VPS13B: variants seen among roughly 807,000 people sequenced by gnomAD.
The protein encoded by VPS13B is vacuolar protein sorting 13 homolog B.
In VPS13B, 285 loss-of-function variants were observed where a neutral mutation model predicts 426.4. The ratio of observed to expected loss-of-function variants is 0.67; its 90% confidence interval spans 0.61 to 0.74. The LOEUF (loss-of-function observed/expected upper bound fraction) is 0.74, where lower values mean the gene tolerates loss of function less well. VPS13B is among the 30% of genes least tolerant of loss of function. The probability of loss-of-function intolerance (pLI) is 0.00; values close to 1 mark genes in which losing one functional copy is unlikely to be tolerated. For missense variants in VPS13B, 4,537 were observed against 4,782.6 expected, an observed-to-expected ratio of 0.95 and a Z score of 1.51; for synonymous variants, 1,676 against 1,676.4, an observed-to-expected ratio of 1.00 and a Z score of 0.01.
chr8:99,644,292 G>C (rs1007493323), intron 34 of VPS13B, among the ~76,000 whole-genome samples: 3 of 152,086 alleles, frequency 2.0e-5, no homozygotes, highest in Non-Finnish European at 4.4e-5. Context: ...TGATGGACTT[G>C]TTTCCACTTT....
At chr8:99,507,735 T>G in intron 28 of VPS13B, 1 of 1,613,914 alleles carries the variant, frequency 6.2e-7, no homozygotes. Flanking sequence ...GCTTTTTGTC[T>G]TTTCACCTTC....
At chr8:99,027,985 C>T (rs1017294616) in intron 2 of VPS13B, among the ~76,000 whole-genome samples, 3 of 152,162 alleles carry the variant, frequency 2.0e-5, no homozygotes, top group African/African-American at 4.8e-5. Flanking sequence ...TCCATTTAAC[C>T]CTGAGTGGAC....
chr8:99,482,256 TTTC>T (rs949306741), intron 25 of VPS13B, among the ~76,000 whole-genome samples: 4 of 152,116 alleles, frequency 2.6e-5, no homozygotes, highest in Non-Finnish European at 4.4e-5. Context: ...TATAAAAGCT[TTTC>T]TTTTTATTTT....
chr8:99,028,751 A>T (rs1434147354), intron 2 of VPS13B, among the ~76,000 whole-genome samples: 1 of 124,878 alleles, frequency 8.0e-6, no homozygotes, highest in Non-Finnish European at 1.7e-5. Flanking sequence ...GGACGGGGCA[A>T]CTGGCCGGGC....
intron 5 of VPS13B, 39 bp downstream of exon 5, chr8:99,103,159 T>C (rs1457545186): frequency 1.2e-6 from 2 of 1,608,126 alleles, no homozygotes; most frequent in Non-Finnish European, 1.7e-6. Flanking sequence ...TTTTCCATAA[T>C]TGAAACAATT....
chr8:99,084,880 G>C (rs979370564), intron 3 of VPS13B, among the ~76,000 whole-genome samples: 7 of 152,168 alleles, frequency 4.6e-5, no homozygotes, highest in Non-Finnish European at 8.8e-5. Context: ...CCGACTATGT[G>C]ATCAATTTTG....
chr8:99,707,225 C>G lies in VPS13B; in HGVS notation c.6454+7293C>G, dbSNP rs1348379930. Among the ~76,000 whole-genome samples the G allele has an allele frequency of 7.9e-5, 12 of 152,272 alleles. No individual in the cohort carries two copies. The East Asian group carries it at 2.3e-3, about 29-fold the overall frequency. ...GGCAGACAGAATCTGCACCCCAGCCCTGCTACTTACTGACCAGCTGGTTGT... is the reference window on the plus strand; with the variant it reads ...GGCAGACAGAATCTGCACCCCAGCCGTGCTACTTACTGACCAGCTGGTTGT... On this transcript the variant is annotated intron_variant, in intron 36 of 61. Transcript: ENST00000357162.
chr8:99,470,457 A>G (rs1819343663), intron 24 of VPS13B, among the ~76,000 whole-genome samples: 1 of 152,216 alleles, frequency 6.6e-6, no homozygotes, highest in Non-Finnish European at 1.5e-5. Context: ...AAGTATAAAA[A>G]GAGTCAAATG....
chr8:99,600,789 A>G (rs1827253981), intron 33 of VPS13B, among the ~76,000 whole-genome samples: 2 of 152,130 alleles, frequency 1.3e-5, no homozygotes, highest in South Asian at 2.1e-4. Context: ...ACAAAAGGCA[A>G]TGACTCTTCT....
intron 25 of VPS13B, among the ~76,000 whole-genome samples, chr8:99,488,503 T>C (rs1820423760): frequency 6.6e-6 from 1 of 152,170 alleles, no homozygotes; most frequent in African/African-American, 2.4e-5. Flanking sequence ...ATTGGCTTCC[T>C]CTGACTTTGG....
chr8:99,371,681 T>C (rs144126953), intron 19 of VPS13B, among the ~76,000 whole-genome samples: 25 of 152,334 alleles, frequency 1.6e-4, no homozygotes, highest in African/African-American at 5.8e-4. Flanking sequence ...CCATTTTCGA[T>C]ATTGATTCTT....
intron 39 of VPS13B, among the ~76,000 whole-genome samples, chr8:99,737,080 T>TCAGGAAA (rs981269694): frequency 3.4e-5 from 5 of 146,284 alleles, no homozygotes; most frequent in Non-Finnish European, 7.5e-5. Context: ...TTGAAGTGTT[T>TCAGGAAA]CAGGAAAGCC....
chr8:99,391,833 A>T, intron 21 of VPS13B, 129 bp downstream of exon 21: 1 of 1,218,244 alleles, frequency 8.2e-7, no homozygotes, highest in Non-Finnish European at 1.2e-6. Context: ...GAACTTTATT[A>T]TCCACAACAT....
intron 16 of VPS13B, among the ~76,000 whole-genome samples, chr8:99,172,300 G>T (rs924930029): frequency 1.8e-4 from 27 of 152,076 alleles, no homozygotes; most frequent in Admixed American, 1.8e-3. Context: ...TAGTATATTG[G>T]CTTAGAAAGT....
At chr8:99,124,012 T>C (rs1588064213) in intron 8 of VPS13B, among the ~76,000 whole-genome samples, 1 of 152,124 alleles carries the variant, frequency 6.6e-6, no homozygotes, top group East Asian at 1.9e-4. Flanking sequence ...AAGACTGAAA[T>C]TAGTGTAGAA....
At chr8:99,472,511 T>TAA (rs139058403) in intron 24 of VPS13B, among the ~76,000 whole-genome samples, 17 of 150,168 alleles carry the variant, frequency 1.1e-4, no homozygotes, top group East Asian at 5.9e-4. Flanking sequence ...TGAATGACAC[T>TAA]AAAAAAAAAC....
At chr8:99,787,741 C>T (rs943900739) in intron 43 of VPS13B, among the ~76,000 whole-genome samples, 2 of 152,148 alleles carry the variant, frequency 1.3e-5, no homozygotes, top group South Asian at 2.1e-4. Context: ...ACATCTCCAC[C>T]AACTGGTAGG....
At chr8:99,582,831 A>C (rs1157118506) in intron 33 of VPS13B, among the ~76,000 whole-genome samples, 2 of 151,802 alleles carry the variant, frequency 1.3e-5, no homozygotes, top group Non-Finnish European at 2.9e-5. Flanking sequence ...AATTTTTTGT[A>C]TTTTTAGGAG....
chr8:99,326,505 C>CCT (rs972966163), intron 19 of VPS13B, among the ~76,000 whole-genome samples: 3 of 67,352 alleles, frequency 4.5e-5, no homozygotes, highest in African/African-American at 1.8e-4. Flanking sequence ...TGCTCTGTTG[C>CCT]CTAGTGGCAC....
Sources: gnomAD v4.1 joint callset for allele counts (sites outside exome capture counted in the v4.1 genomes callset) on GRCh38, gnomAD v4.1.1 for gene constraint, MANE v1.5 for transcripts, NCBI Gene and HGNC (gene_info 2026-07-23, HGNC 2026-07-21) for gene names.